Variants in SEMA3A observed in about 807,000 individuals in gnomAD.
SEMA3A encodes the protein semaphorin-3A.
Under a neutral mutation model 97.9 loss-of-function variants are expected in SEMA3A, and 29 were observed. The observed-to-expected ratio is 0.30, with a 90% confidence interval of 0.22 to 0.40. The LOEUF is 0.40. Among genes scored for constraint, SEMA3A ranks in the 10% least tolerant of loss-of-function variants. The pLI is 1.00. For missense variants in SEMA3A, 763 were observed against 951.3 expected, an observed-to-expected ratio of 0.80 and a Z score of 2.60; for synonymous variants, 321 against 323.7, an observed-to-expected ratio of 0.99 and a Z score of 0.09.
intron 1 of SEMA3A, among the ~76,000 whole-genome samples, chr7:84,185,372 G>C (rs1032246428): frequency 6.6e-6 from 1 of 151,050 alleles, no homozygotes; most frequent in Non-Finnish European, 1.5e-5. Flanking sequence ...TTGAATTAAA[G>C]AAATAATAAG....
chr7:84,027,694 A>T (rs1241854288), intron 6 of SEMA3A, among the ~76,000 whole-genome samples: 2 of 152,142 alleles, frequency 1.3e-5, no homozygotes, highest in Non-Finnish European at 2.9e-5. Context: ...GCCTTCATGG[A>T]GATGAGGTGG....
At chr7:84,177,183 A>T (rs1797594063) in intron 1 of SEMA3A, among the ~76,000 whole-genome samples, 1 of 152,152 alleles carries the variant, frequency 6.6e-6, no homozygotes, top group Admixed American at 6.5e-5. Flanking sequence ...GAACTGTTAT[A>T]TCAGAAGACA....
chr7:84,055,324 G>C (rs1010766083), intron 5 of SEMA3A, among the ~76,000 whole-genome samples: 3 of 152,180 alleles, frequency 2.0e-5, no homozygotes, highest in Non-Finnish European at 4.4e-5. Flanking sequence ...CTTGCAGTTT[G>C]ATCTCAGACT....
At chr7:84,072,740 C>T (rs905501104) in intron 4 of SEMA3A, among the ~76,000 whole-genome samples, 6 of 151,986 alleles carry the variant, frequency 3.9e-5, no homozygotes, top group Non-Finnish European at 8.8e-5. Flanking sequence ...AATTATATAA[C>T]AATAATACAT....
chr7:84,181,152 G>A (rs536409003), intron 1 of SEMA3A, among the ~76,000 whole-genome samples: 1 of 151,750 alleles, frequency 6.6e-6, no homozygotes, highest in East Asian at 1.9e-4. Context: ...TTTTGTATAT[G>A]TGTGTATGTT....
At chr7:84,165,714 G>A (rs780519833) in intron 1 of SEMA3A, among the ~76,000 whole-genome samples, 8 of 151,848 alleles carry the variant, frequency 5.3e-5, no homozygotes, top group East Asian at 1.9e-4. Context: ...CACCATACCC[G>A]GCTAATTTTT....
intron 4 of SEMA3A, among the ~76,000 whole-genome samples, chr7:84,103,415 A>G (rs1266645876): frequency 1.3e-5 from 2 of 152,192 alleles, no homozygotes; most frequent in Non-Finnish European, 2.9e-5. Flanking sequence ...AAAAAAATAA[A>G]TTATGACTGT....
chr7:84,420,112 A>C (rs1804547454), intron 1 of SEMA3A, among the ~76,000 whole-genome samples: 1 of 152,110 alleles, frequency 6.6e-6, no homozygotes, highest in Non-Finnish European at 1.5e-5. Flanking sequence ...GAATTTTCAT[A>C]GGATTCAAAT....
At chr7:84,040,268 C>A (rs1170396611) in intron 6 of SEMA3A, among the ~76,000 whole-genome samples, 1 of 142,894 alleles carries the variant, frequency 7.0e-6, no homozygotes, top group African/African-American at 2.6e-5. Flanking sequence ...CATTAAAATT[C>A]AATGGCATTG....
At chr7:84,129,031 C>G (rs6955597) in intron 3 of SEMA3A, 92 bp downstream of exon 3, 1 of 997,574 alleles carries the variant, frequency 1.0e-6, no homozygotes, top group Admixed American at 1.8e-5. Flanking sequence ...CCCACACACA[C>G]AAAAAAATCA....
At chr7:84,425,464 T>TAGGC (rs1318120337) in intron 1 of SEMA3A, among the ~76,000 whole-genome samples, 1 of 139,628 alleles carries the variant, frequency 7.2e-6, no homozygotes, top group African/African-American at 2.6e-5. Flanking sequence ...CATATAAATA[T>TAGGC]ATACATATAT....
At chr7:84,017,690 A>C (rs1791160749) in intron 6 of SEMA3A, among the ~76,000 whole-genome samples, 1 of 152,128 alleles carries the variant, frequency 6.6e-6, no homozygotes, top group Non-Finnish European at 1.5e-5. Flanking sequence ...TGCTCACCAC[A>C]CATTTTCTAC....
intron 3 of SEMA3A, among the ~76,000 whole-genome samples, chr7:84,206,468 G>T (rs937859099): frequency 6.6e-6 from 1 of 151,896 alleles, no homozygotes; most frequent in African/African-American, 2.4e-5. Flanking sequence ...GACTATAGGC[G>T]CTGCCACCAC....
At chr7:84,259,227 T>C (rs1799787702) in intron 3 of SEMA3A, among the ~76,000 whole-genome samples, 2 of 152,226 alleles carry the variant, frequency 1.3e-5, no homozygotes, top group South Asian at 2.1e-4. Context: ...ATAGGTTTTA[T>C]GGGATACTAT....
rs1204527619 is a variant in SEMA3A at position 84,299,603 on chromosome 7, T to C, written c.-83+7604A>G. On this transcript the variant is annotated intron_variant, in intron 3 of 3. Transcript: ENST00000424555. ...TCACTTATAAATACCAATGGACAGC[T>C]TAGAATTACTTGACCATGAGGAAAG... Among the ~76,000 whole-genome samples the C allele has an allele frequency of 2.6e-5, 4 of 151,478 alleles. No individual in the cohort carries two copies. In the Admixed American group the frequency reaches 2.6e-4, roughly 10 times the overall value.
intron 3 of SEMA3A, among the ~76,000 whole-genome samples, chr7:84,229,471 C>G (rs1799068104): frequency 6.6e-6 from 1 of 152,074 alleles, no homozygotes; most frequent in African/African-American, 2.4e-5. Flanking sequence ...CCTTGGATTG[C>G]TGATTAAGCA....
intron 1 of SEMA3A, among the ~76,000 whole-genome samples, chr7:84,148,140 C>T (rs1265040876): frequency 6.6e-6 from 1 of 152,060 alleles, no homozygotes; most frequent in Non-Finnish European, 1.5e-5. Context: ...GTCTCGAACC[C>T]CTGACCTCAG....
chr7:83,966,195 T>C (rs967361571), intron 15 of SEMA3A, among the ~76,000 whole-genome samples: 1 of 152,138 alleles, frequency 6.6e-6, no homozygotes, highest in African/African-American at 2.4e-5. Context: ...ATAGAAAATA[T>C]TCTTTTATTA....
At chr7:84,046,025 T>G (rs1792335828) in intron 6 of SEMA3A, among the ~76,000 whole-genome samples, 1 of 151,826 alleles carries the variant, frequency 6.6e-6, no homozygotes, top group African/African-American at 2.4e-5. Flanking sequence ...AAGACAGAAT[T>G]GGTAAGTCAT....
Sources: allele counts gnomAD v4.1 joint callset (sites outside exome capture counted in the v4.1 genomes callset), GRCh38; gene constraint gnomAD v4.1.1; transcripts MANE v1.5; gene names NCBI Gene and HGNC (gene_info 2026-07-23, HGNC 2026-07-21).